PXDN: variants seen among roughly 807,000 people sequenced by gnomAD.
PXDN encodes the protein peroxidasin homolog.
A neutral mutation model predicts 140.3 loss-of-function variants in PXDN; 77 were observed. That is an observed-to-expected ratio of 0.55 (90% CI 0.46 to 0.66). PXDN has a LOEUF of 0.66. PXDN is among the 30% of genes least tolerant of loss of function. The pLI is 0.00. For synonymous variants in PXDN, 911 were observed against 857.4 expected, an observed-to-expected ratio of 1.06 and a Z score of -1.09; for missense variants, 1,838 against 2,039.5, an observed-to-expected ratio of 0.90 and a Z score of 1.90.
intron 14 of PXDN, among the ~76,000 whole-genome samples, chr2:1,658,841 C>G (rs946923245): frequency 6.6e-6 from 1 of 151,190 alleles, no homozygotes; most frequent in Non-Finnish European, 1.5e-5. Flanking sequence ...CCCATCTCCC[C>G]GCGGCTCCCT....
intron 1 of PXDN, among the ~76,000 whole-genome samples, chr2:1,712,213 G>C (rs1357606033): frequency 6.6e-6 from 1 of 152,182 alleles, no homozygotes. Flanking sequence ...CAAATTGAAA[G>C]GAAGAACTAC....
At chr2:1,679,894 GGT>G (rs1312273947) in intron 7 of PXDN, among the ~76,000 whole-genome samples, 3 of 138,036 alleles carry the variant, frequency 2.2e-5, no homozygotes, top group Non-Finnish European at 3.1e-5. Context: ...GTCTATAAAT[GGT>G]GTGTGTGTAA....
chr2:1,674,990 A>C (rs553259669), intron 8 of PXDN, among the ~76,000 whole-genome samples: 10 of 152,294 alleles, frequency 6.6e-5, no homozygotes, highest in African/African-American at 2.4e-4. Context: ...GCGCGCAGCC[A>C]AACCGTCGGG....
At position 1,649,770 on chromosome 2, in the gene PXDN, A is replaced by G. The variant is rs1682971785; in HGVS notation, c.2105-95T>C. ...GCACCTCTGCCGCTGACATGGGGCT[A>G]TCTACCCCCAGCTCATGAAACCTGT... is the stretch of plus-strand genomic sequence containing the variant. On this transcript the variant is annotated intron_variant, in intron 16 of 22. Transcript: ENST00000252804. The surrounding 1 kb of genome is among the most constrained non-coding windows in gnomAD (Gnocchi z 7.1). 5 of 1,373,574 alleles carry G rather than the reference A, an allele frequency of 3.6e-6. No homozygotes were observed. Among genetic ancestry groups the G allele is most frequent in the Non-Finnish European group, 5.1e-6 (5 of 976,280 alleles). 85.1% of individuals were successfully genotyped at this position (1,373,574 alleles called of 1,614,324 possible). A position where few individuals can be genotyped will look rare whatever the true frequency, so the allele number is the denominator to read the frequency against.
Position 1,639,160 on chromosome 2 carries a change from C to A in PXDN, c.4073+142G>T, listed in dbSNP as rs1418827256. The A allele has an allele frequency of 2.7e-6, 4 of 1,481,554 alleles. No individual in the cohort carries two copies. The East Asian group carries it at 9.6e-5, about 36-fold the overall frequency. 91.8% of individuals were successfully genotyped at this position (1,481,554 alleles called of 1,614,324 possible). A position where few individuals can be genotyped will look rare whatever the true frequency, so the allele number is the denominator to read the frequency against. The stretch of plus-strand genomic sequence containing the variant: ...GGGCAGCACAGCAGGACGCAGGCTG[C>A]GGCCTGGCCCCCAGTGCCCTGGGAC... On this transcript the variant is annotated intron_variant, in intron 20 of 22. Coordinates refer to ENST00000252804, the MANE Select transcript of PXDN (RefSeq NM_012293.3). The surrounding 1 kb of genome is among the most constrained non-coding windows in gnomAD (Gnocchi z 5.0).
intron 7 of PXDN, among the ~76,000 whole-genome samples, chr2:1,679,694 GTGTC>G (rs1368531834): frequency 2.1e-5 from 3 of 143,740 alleles, no homozygotes; most frequent in East Asian, 4.2e-4. Context: ...TGTGTGGTCT[GTGTC>G]TGCATGTGTG....
chr2:1,669,257 C>A (rs7588097), intron 9 of PXDN, among the ~76,000 whole-genome samples: 43,306 of 151,838 alleles, frequency 0.29, 6,460 homozygotes, highest in Admixed American at 0.39. Flanking sequence ...CAGTGAGAAC[C>A]CATGGACACA....
chr2:1,687,618 G>A lies in PXDN; in HGVS notation c.416+14C>T, dbSNP rs1684091902. The A allele has an allele frequency of 3.4e-6, 5 of 1,481,554 alleles. No homozygotes were observed. The East Asian group carries it at 6.9e-5, about 20-fold the overall frequency. 91.8% of individuals were successfully genotyped at this position (1,481,554 alleles called of 1,614,324 possible). On this transcript the variant is annotated intron_variant, in intron 4 of 22. Coordinates refer to ENST00000252804, the MANE Select transcript of PXDN (RefSeq NM_012293.3). This position sits in a 1 kb window ranked among gnomAD's most constrained non-coding sequence, Gnocchi z 4.0. ...GCATCCAAGAACTAAAGCACGAAGA[G>A]AAGGGGCACTTACAGTTGCTCTAGA...
chr2:1,642,807 C>T (rs1319401420), intron 19 of PXDN, among the ~76,000 whole-genome samples: 2 of 152,170 alleles, frequency 1.3e-5, no homozygotes, highest in East Asian at 1.9e-4. Context: ...CTCCAGGGCA[C>T]GAGTGCCGGG....
intron 3 of PXDN, among the ~76,000 whole-genome samples, chr2:1,688,816 C>G (rs1005330701): frequency 2.7e-5 from 4 of 147,926 alleles, no homozygotes; most frequent in Non-Finnish European, 6.1e-5. Flanking sequence ...AAATAACCAA[C>G]ATTTTTTGTC....
chr2:1,672,613 T>C (rs1165480626), intron 9 of PXDN, among the ~76,000 whole-genome samples: 1 of 152,234 alleles, frequency 6.6e-6, no homozygotes, highest in Non-Finnish European at 1.5e-5. Flanking sequence ...AGCAGTACTA[T>C]ATCCTTGGGC....
At chr2:1,710,711 C>A (rs1247079858) in intron 1 of PXDN, among the ~76,000 whole-genome samples, 1 of 142,558 alleles carries the variant, frequency 7.0e-6, no homozygotes, top group Non-Finnish European at 1.5e-5. Context: ...TCTCCACCAG[C>A]ACCCACTCCA....
rs762055417 is a variant in PXDN at position 1,663,770 on chromosome 2, G to A, written c.1409-7C>T. 2.5e-6 allele frequency: 4 copies of A among 1,611,296 alleles called. No homozygotes were observed. The highest frequency in any genetic ancestry group is 3.4e-6 in the Non-Finnish European group (4 of 1,179,784). On this transcript the variant is annotated splice_polypyrimidine_tract_variant and splice_region_variant and intron_variant, in intron 11 of 22. Transcript: ENST00000252804. ...TCCACGGAGAGCTGGCTCCCTGCAA[G>A]GGCATGGGCCCGTTACACTGGACAC...
chr2:1,658,090 CTCTG>C (rs1558494567), intron 14 of PXDN, among the ~76,000 whole-genome samples: 1 of 119,014 alleles, frequency 8.4e-6, no homozygotes, highest in Admixed American at 1.0e-4. Flanking sequence ...CTCTCTCTCT[CTCTG>C]TTACAGTGTC....
chr2:1,654,363 TG>T, intron 15 of PXDN, 36 bp downstream of exon 15: 1 of 1,454,102 alleles, frequency 6.9e-7, no homozygotes. Flanking sequence ...TAAAGCTCAG[TG>T]ATTTGAGGGT....
At position 1,648,474 on chromosome 2, in the gene PXDN, G is replaced by T; in HGVS notation, c.3306C>A (p.Phe1102Leu). 6.2e-7 allele frequency: 1 copy of T among 1,611,232 alleles called. No individual in the cohort carries two copies. Among genetic ancestry groups the T allele is most frequent in the Non-Finnish European group, 8.5e-7 (1 of 1,179,834 alleles). ...CATTCACAATCCGGAAGGGAGAGAA[G>T]AAAGCTTTGTGAAGGGGGAGGTGAT... ...AQDHLPLHKA[F>L]FSPFRIVNEG... is the part of the protein sequence containing the mutation. Residue 1102 changes from phenylalanine to leucine, a missense_variant, in exon 17 of 23, where the codon TTC becomes TTA. Physicochemically the swap from Phe to Leu is conservative, Grantham distance 22. Around this residue, in one of 5 missense-constraint regions of PXDN, gnomAD observed 850 missense variants for 894.1 expected, o/e 0.95. Transcript: ENST00000252804. This position sits in a 1 kb window ranked among gnomAD's most constrained non-coding sequence, Gnocchi z 8.9.
chr2:1,744,135 G>C, intron 1 of PXDN, 121 bp downstream of exon 1: 7 of 1,057,838 alleles, frequency 6.6e-6, no homozygotes, highest in Non-Finnish European at 8.6e-6. Flanking sequence ...AAGTCCCCAG[G>C]CCCCCCGCGC....
Position 1,644,650 on chromosome 2 carries a change from G to A in PXDN, c.3711C>T (p.Ser1237=). The change falls in exon 18 of 23, where the codon AGC becomes AGT. Residue 1237 remains serine (S), a synonymous_variant. Transcript: ENST00000252804. ...RLGPTLMCLL[S]TQFKRLRDGD... ...CATCTCGCAGGCGCTTGAACTGTGT[G>A]CTGAGAAGACACATCAGGGTGGGGC... The A allele has an allele frequency of 1.9e-6, 3 of 1,608,606 alleles. No individual in the cohort carries two copies. Among genetic ancestry groups the A allele is most frequent in the African/African-American group, 1.3e-5 (1 of 74,878 alleles).
Position 1,700,388 on chromosome 2 carries a change from G to A in PXDN, c.201-7254C>T, listed in dbSNP as rs545996702. 2.6e-5 allele frequency among the ~76,000 whole-genome samples: 4 copies of A among 152,038 alleles called. No individual in the cohort carries two copies. In the South Asian group the frequency reaches 8.3e-4, roughly 32 times the overall value. ...TTGTCTGGATTTTTTTTTTCTTTGA[G>A]TATTTTGCGCATCTTAACATGTTAC... On this transcript the variant is annotated intron_variant, in intron 1 of 22. Coordinates refer to ENST00000252804, the MANE Select transcript of PXDN (RefSeq NM_012293.3).
Sources: gnomAD v4.1 joint callset for allele counts (sites outside exome capture counted in the v4.1 genomes callset) on GRCh38, gnomAD v4.1.1 for gene constraint, gnomAD v4.1.1 regional missense constraint, Gnocchi (gnomAD v3.1) non-coding constraint, MANE v1.5 for transcripts, NCBI Gene and HGNC (gene_info 2026-07-23, HGNC 2026-07-21) for gene names.